The following SMIM10L3 variants were observed in gnomAD, a reference collection of about 807,000 sequenced individuals.
The protein encoded by SMIM10L3 is small integral membrane protein 10 like 3.
At chr7:6,330,557 G>A in the SMIM10L3 span, 5 of 1,614,156 alleles carry the variant, frequency 3.1e-6, no homozygotes, top group Admixed American at 5.0e-5. Context: ...AGCACTTCGG[G>A]ATACACGTGC....
chr7:6,331,714 C>A, the SMIM10L3 span, among the ~76,000 whole-genome samples: 2 of 151,228 alleles, frequency 1.3e-5, no homozygotes, highest in African/African-American at 4.9e-5. Context: ...AGTTCCCCAC[C>A]CTCAAATTAG....
the SMIM10L3 span, among the ~76,000 whole-genome samples, chr7:6,340,447 G>A: frequency 4.6e-5 from 7 of 152,108 alleles, no homozygotes; most frequent in African/African-American, 1.7e-4. Flanking sequence ...TCAGTAGAAG[G>A]GCAGAGGCCG....
At chr7:6,330,547 AG>A in the SMIM10L3 span, 1 of 1,614,138 alleles carries the variant, frequency 6.2e-7, no homozygotes, top group Admixed American at 1.7e-5. Context: ...CTCACTCAGG[AG>A]CACTTCGGGA....
the SMIM10L3 span, among the ~76,000 whole-genome samples, chr7:6,340,828 G>A: frequency 7.3e-5 from 11 of 149,668 alleles, no homozygotes; most frequent in Admixed American, 3.3e-4. Flanking sequence ...GAACCCGGGA[G>A]GCGGAGCTGG....
chr7:6,336,452 A>G, the SMIM10L3 span, among the ~76,000 whole-genome samples: 2 of 152,076 alleles, frequency 1.3e-5, no homozygotes, highest in Non-Finnish European at 2.9e-5. Flanking sequence ...AGGCCATGGC[A>G]GGCAGATCTC....
At chr7:6,340,394 T>G in the SMIM10L3 span, among the ~76,000 whole-genome samples, 1 of 152,122 alleles carries the variant, frequency 6.6e-6, no homozygotes, top group African/African-American at 2.4e-5. Flanking sequence ...AAGCGACCAC[T>G]GCATGTGTGT....
At chr7:6,343,231 G>C in the SMIM10L3 span, among the ~76,000 whole-genome samples, 1 of 150,652 alleles carries the variant, frequency 6.6e-6, no homozygotes, top group African/African-American at 2.4e-5. Context: ...ACAATAATTA[G>C]CTGGGCGTGG....
At chr7:6,330,713 C>A in the SMIM10L3 span, 1 of 1,614,146 alleles carries the variant, frequency 6.2e-7, no homozygotes, top group South Asian at 1.1e-5. Flanking sequence ...CGAGGCTCTC[C>A]TTTGGGGCAC....
chr7:6,348,642 G>C, the SMIM10L3 span: 9 of 509,556 alleles, frequency 1.8e-5, no homozygotes, highest in Non-Finnish European at 3.2e-5. Flanking sequence ...GCAGCCGCCA[G>C]GCCAGGTCGA....
At chr7:6,336,792 C>T in the SMIM10L3 span, among the ~76,000 whole-genome samples, 7 of 151,726 alleles carry the variant, frequency 4.6e-5, no homozygotes, top group South Asian at 2.1e-4. Context: ...GCAGCTGGAA[C>T]CACAGGTGTG....
the SMIM10L3 span, among the ~76,000 whole-genome samples, chr7:6,342,456 T>C: frequency 2.6e-5 from 4 of 151,974 alleles, no homozygotes. Context: ...GGAGAATCAC[T>C]TGAACCCAGA....
At chr7:6,347,060 G>A in the SMIM10L3 span, among the ~76,000 whole-genome samples, 4 of 152,142 alleles carry the variant, frequency 2.6e-5, no homozygotes, top group African/African-American at 9.7e-5. Context: ...GGCTCACTGG[G>A]TTCTGACTGT....
chr7:6,333,543 G>A, the SMIM10L3 span, among the ~76,000 whole-genome samples: 3 of 152,130 alleles, frequency 2.0e-5, no homozygotes, highest in Non-Finnish European at 4.4e-5. Flanking sequence ...CTGCCTCCCA[G>A]GCTGGAGGAC....
the SMIM10L3 span, chr7:6,330,353 T>C: frequency 2.5e-6 from 4 of 1,580,614 alleles, no homozygotes; most frequent in Middle Eastern, 1.7e-4. Context: ...AATTAATCTA[T>C]TGGTATTGTT....
At chr7:6,342,204 CTTTG>C in the SMIM10L3 span, among the ~76,000 whole-genome samples, 1 of 151,770 alleles carries the variant, frequency 6.6e-6, no homozygotes. Context: ...CTTTCTTTTT[CTTTG>C]TTTCTTACTT....
chr7:6,336,030 G>C, the SMIM10L3 span, among the ~76,000 whole-genome samples: 1,596 of 151,960 alleles, frequency 0.011, 25 homozygotes, highest in African/African-American at 0.037. Flanking sequence ...AAAATTAATG[G>C]GGCATGGTGG....
chr7:6,342,538 CA>C, the SMIM10L3 span, among the ~76,000 whole-genome samples: 11 of 146,402 alleles, frequency 7.5e-5, no homozygotes, highest in African/African-American at 1.7e-4. Flanking sequence ...GACTCTGTCT[CA>C]AAAAAAAAAG....
At chr7:6,331,088 A>G in the SMIM10L3 span, 1 of 1,613,460 alleles carries the variant, frequency 6.2e-7, no homozygotes, top group Non-Finnish European at 8.5e-7. Context: ...AGTTTGTCCG[A>G]GTCACCTCCT....
chr7:6,335,895 G>A, the SMIM10L3 span, among the ~76,000 whole-genome samples: 9 of 151,826 alleles, frequency 5.9e-5, no homozygotes, highest in South Asian at 2.1e-4. Flanking sequence ...AAGAGTGGCC[G>A]GGAGCAGTGG....
Sources: gnomAD v4.1 joint callset for allele counts (sites outside exome capture counted in the v4.1 genomes callset) on GRCh38, gnomAD v4.1.1 for gene constraint, MANE v1.5 for transcripts, NCBI Gene and HGNC (gene_info 2026-07-23, HGNC 2026-07-21) for gene names.